CD44: variants seen among roughly 807,000 people sequenced by gnomAD.
The protein encoded by CD44 is CD44 antigen.
In CD44, 49 loss-of-function variants were observed where a neutral mutation model predicts 88.8. That is an observed-to-expected ratio of 0.55 (90% CI 0.44 to 0.70). The LOEUF (loss-of-function observed/expected upper bound fraction) is 0.70, where lower values mean the gene tolerates loss of function less well. CD44 is among the 30% of genes least tolerant of loss of function. The probability of loss-of-function intolerance (pLI) is 0.00; values close to 1 mark genes in which losing one functional copy is unlikely to be tolerated. For synonymous variants in CD44, 325 were observed against 312.3 expected (o/e 1.04, Z -0.43); for missense variants, 883 against 913.8 (o/e 0.97, Z 0.43).
intron 8 of CD44, 74 bp from the exon 9 acceptor site, chr11:35,201,597 C>T: frequency 6.3e-7 from 1 of 1,579,740 alleles, no homozygotes; most frequent in Non-Finnish European, 8.7e-7. Flanking sequence ...ATAGCATGCA[C>T]TTTAATGGAA....
At chr11:35,168,311 T>A (rs1327558081) in intron 1 of CD44, among the ~76,000 whole-genome samples, 1 of 152,230 alleles carries the variant, frequency 6.6e-6, no homozygotes, top group African/African-American at 2.4e-5. Flanking sequence ...TCAGCCAGAT[T>A]GCCCAGTCTG....
At chr11:35,223,532 T>C (rs1431557374) in intron 17 of CD44, among the ~76,000 whole-genome samples, 2 of 152,110 alleles carry the variant, frequency 1.3e-5, no homozygotes, top group Non-Finnish European at 2.9e-5. Context: ...GTCTGTGTCT[T>C]GTCAGCAGCA....
Position 35,176,811 on chromosome 11 carries a change from A to G in CD44, c.233+71A>G. ...ACCAGGCAGCTGGGCTTAGAACTGGAAGGCTCCTTTCCCACAGCTGAATGG... is the reference window on the plus strand; with the variant it reads ...ACCAGGCAGCTGGGCTTAGAACTGGGAGGCTCCTTTCCCACAGCTGAATGG... On this transcript the variant is annotated intron_variant, in intron 2 of 17. Transcript: ENST00000428726. 2 of 1,446,028 alleles carry G rather than the reference A, an allele frequency of 1.4e-6. 1 individual carries two copies. Among genetic ancestry groups the G allele is most frequent in the South Asian group, 2.5e-5 (2 of 79,988 alleles). 89.6% of individuals were successfully genotyped at this position (1,446,028 alleles called of 1,614,324 possible).
At chr11:35,181,149 A>G (rs1944949743) in intron 3 of CD44, among the ~76,000 whole-genome samples, 1 of 152,186 alleles carries the variant, frequency 6.6e-6, no homozygotes, top group Admixed American at 6.5e-5. Context: ...GTCTTAGCTG[A>G]GAGGTATTTA....
At chr11:35,181,883 ATTCT>A (rs1945083423) in intron 3 of CD44, among the ~76,000 whole-genome samples, 1 of 58,524 alleles carries the variant, frequency 1.7e-5, no homozygotes, top group Non-Finnish European at 3.0e-5. Context: ...ATTATATATA[ATTCT>A]ATATATAATA....
rs147765678 is a variant in CD44, at chr11:35,141,666, A to C, written c.67+2296A>C. On this transcript the variant is annotated intron_variant, in intron 1 of 17. Transcript: ENST00000428726. ...CCTTGAGGTTCTCCCAGAGACCCGC[A>C]GTCTCCCTCCTGCCCCGTGTTTCCA... Among the ~76,000 whole-genome samples, 630 of 152,306 alleles carry C rather than the reference A, an allele frequency of 4.1e-3. 17 individuals are homozygous for C. Among genetic ancestry groups the C allele is most frequent in the Admixed American group, 0.038 (577 of 15,304 alleles).
intron 5 of CD44, among the ~76,000 whole-genome samples, chr11:35,192,541 G>A (rs72916140): frequency 1.6e-4 from 25 of 152,124 alleles, no homozygotes; most frequent in South Asian, 4.1e-4. Flanking sequence ...CAGAAGAAGC[G>A]GTCTTTGGCT....
intron 15 of CD44, 117 bp from the exon 16 acceptor site, chr11:35,219,199 C>A: frequency 2.7e-6 from 2 of 737,874 alleles, no homozygotes; most frequent in East Asian, 2.6e-5. Context: ...CAGCTTGAAT[C>A]CATAAATGGC....
At chr11:35,178,665 G>C (rs7110041) in intron 2 of CD44, among the ~76,000 whole-genome samples, 1 of 152,060 alleles carries the variant, frequency 6.6e-6, no homozygotes, top group Non-Finnish European at 1.5e-5. Flanking sequence ...CCATAAAACC[G>C]GTAGGCAACA....
intron 1 of CD44, among the ~76,000 whole-genome samples, chr11:35,164,808 A>G (rs1228220013): frequency 6.6e-6 from 1 of 152,242 alleles, no homozygotes; most frequent in African/African-American, 2.4e-5. Context: ...AGCCTGGCTC[A>G]TGGATAGCAT....
At chr11:35,167,205 A>G (rs974228287) in intron 1 of CD44, among the ~76,000 whole-genome samples, 3 of 152,206 alleles carry the variant, frequency 2.0e-5, no homozygotes, top group Non-Finnish European at 4.4e-5. Flanking sequence ...CAGTAGCAAC[A>G]GCACTGGTGT....
chr11:35,186,624 A>T (rs917355038), intron 3 of CD44, among the ~76,000 whole-genome samples: 4 of 152,218 alleles, frequency 2.6e-5, no homozygotes, highest in African/African-American at 9.7e-5. Context: ...CGGAAACTTC[A>T]TAAGTTCCAG....
chr11:35,189,475 G>A (rs749120470), intron 4 of CD44, among the ~76,000 whole-genome samples: 8 of 152,206 alleles, frequency 5.3e-5, no homozygotes, highest in Non-Finnish European at 1.2e-4. Context: ...TATTTATTGA[G>A]CATCCACTGT....
At chr11:35,223,509 TATCTC>T (rs1374344650) in intron 17 of CD44, among the ~76,000 whole-genome samples, 3 of 152,012 alleles carry the variant, frequency 2.0e-5, no homozygotes, top group Non-Finnish European at 4.4e-5. Context: ...TGGGGCTGGG[TATCTC>T]CCCCATCGTC....
At chr11:35,145,903 G>A (rs192657855) in intron 1 of CD44, among the ~76,000 whole-genome samples, 2 of 152,314 alleles carry the variant, frequency 1.3e-5, no homozygotes, top group East Asian at 1.9e-4. Flanking sequence ...GACATCCGAC[G>A]GGGAGCCACT....
At chr11:35,224,295 C>T (rs1949536055) in intron 17 of CD44, among the ~76,000 whole-genome samples, 1 of 152,230 alleles carries the variant, frequency 6.6e-6, no homozygotes, top group Non-Finnish European at 1.5e-5. Context: ...GCTTTCTTTG[C>T]TGTTCCTCAT....
intron 17 of CD44, among the ~76,000 whole-genome samples, chr11:35,225,298 G>C (rs12288926): frequency 0.044 from 6,684 of 152,198 alleles, 161 homozygotes; most frequent in East Asian, 0.087. Context: ...CAGTTGCCAA[G>C]TTACCCACCT....
intron 1 of CD44, among the ~76,000 whole-genome samples, chr11:35,144,702 G>A (rs1479290355): frequency 6.6e-6 from 1 of 152,218 alleles, no homozygotes; most frequent in Admixed American, 6.5e-5. Context: ...TTTTCTGGGA[G>A]AGTCAGGATC....
chr11:35,181,883 ATTC>A (rs1259269107), intron 3 of CD44, among the ~76,000 whole-genome samples: 1 of 58,530 alleles, frequency 1.7e-5, no homozygotes, highest in East Asian at 2.7e-4. Context: ...ATTATATATA[ATTC>A]TATATATAAT....
Sources: allele counts gnomAD v4.1 joint callset (sites outside exome capture counted in the v4.1 genomes callset), GRCh38; gene constraint gnomAD v4.1.1; transcripts MANE v1.5; gene names NCBI Gene and HGNC (gene_info 2026-07-23, HGNC 2026-07-21).